Variants in DYSF observed in about 807,000 individuals in gnomAD.
DYSF encodes the protein dystrophy-associated fer-1-like 1.
A neutral mutation model predicts 274.9 loss-of-function variants in DYSF; 212 were observed. The ratio of observed to expected loss-of-function variants is 0.77; its 90% CI spans 0.69 to 0.86. DYSF has a LOEUF of 0.86. DYSF is among the 40% of genes least tolerant of loss of function. The pLI, the probability that DYSF is intolerant of heterozygous loss-of-function variation, is 0.00. For synonymous variants in DYSF, 1,091 were observed against 1,078.7 expected, an observed-to-expected ratio of 1.01 and a Z score of -0.22; for missense variants, 2,666 against 2,783.2, an observed-to-expected ratio of 0.96 and a Z score of 0.95.
chr2:71,590,067 T>G lies in DYSF; in HGVS notation c.3497-144T>G, dbSNP rs984162976. On this transcript the variant is annotated intron_variant, in intron 31 of 55. Transcript: ENST00000410020. ...CAAGCTGTGGTCTGTTCTCCTGACC[T>G]CGCACAGTGGCCTGTGTGGTTTCCC... The G allele has an allele frequency of 5.0e-6, 4 of 804,548 alleles. No individual in the cohort carries two copies. The South Asian group carries it at 5.7e-5, about 12-fold the overall frequency. The allele number at this position is 804,548 out of a possible 1,614,324, so 49.8% of individuals were successfully genotyped here. A position where few individuals can be genotyped will look rare whatever the true frequency, so the allele number is the denominator to read the frequency against.
chr2:71,626,889 T>G (rs1324928236), intron 41 of DYSF, among the ~76,000 whole-genome samples: 1 of 151,900 alleles, frequency 6.6e-6, no homozygotes, highest in Non-Finnish European at 1.5e-5. Flanking sequence ...TGTTTCTAAG[T>G]GAGTGACTTT....
intron 17 of DYSF, among the ~76,000 whole-genome samples, chr2:71,550,048 AG>A (rs2090817246): frequency 6.6e-6 from 1 of 152,130 alleles, no homozygotes; most frequent in Non-Finnish European, 1.5e-5. Context: ...GCATGACCTT[AG>A]GTCTAGCTCA....
At chr2:71,523,544 T>C (rs1289954406) in intron 12 of DYSF, among the ~76,000 whole-genome samples, 3 of 12,730 alleles carry the variant, frequency 2.4e-4, no homozygotes, top group Admixed American at 6.4e-4. Context: ...ACCAGTCATC[T>C]TTTTTTTTTT....
chr2:71,555,316 C>T (rs376524218), intron 21 of DYSF, among the ~76,000 whole-genome samples: 10 of 151,984 alleles, frequency 6.6e-5, no homozygotes, highest in East Asian at 3.9e-4. Flanking sequence ...GTCCTGAGCA[C>T]GTGTCCTTGC....
intron 40 of DYSF, among the ~76,000 whole-genome samples, chr2:71,618,323 AGAGATGGGGTGTGTGTGTGG>A (rs1417950317): frequency 4.7e-5 from 2 of 42,558 alleles, no homozygotes; most frequent in East Asian, 8.4e-4. Flanking sequence ...TGTGTGTGGT[AGAGATGGGGTGTGTGTGTGG>A]TAGAGGGGTG....
chr2:71,595,635 A>G (rs991717310), intron 32 of DYSF, among the ~76,000 whole-genome samples: 1 of 152,186 alleles, frequency 6.6e-6, no homozygotes, highest in Non-Finnish European at 1.5e-5. Context: ...CAGCTAAGGA[A>G]TCGTCTGCCT....
At chr2:71,685,726 C>T (rs971727752) in intron 55 of DYSF, among the ~76,000 whole-genome samples, 10 of 152,246 alleles carry the variant, frequency 6.6e-5, no homozygotes, top group Non-Finnish European at 1.0e-4. Context: ...AGGCAGGAGG[C>T]GTTTGGCGGG....
chr2:71,464,088 CG>C (rs1301480131), upstream of DYSF, among the ~76,000 whole-genome samples: 9 of 152,318 alleles, frequency 5.9e-5, no homozygotes, highest in East Asian at 1.7e-3. Flanking sequence ...TGTCCTTTAC[CG>C]ACCTTCCACT....
At chr2:71,680,232 A>T (rs529287542) in intron 53 of DYSF, among the ~76,000 whole-genome samples, 2 of 152,196 alleles carry the variant, frequency 1.3e-5, no homozygotes, top group Non-Finnish European at 2.9e-5. Flanking sequence ...AAACCCAAAG[A>T]TAAGGGAGGA....
chr2:71,516,270 C>T (rs752788962), intron 9 of DYSF, 28 bp downstream of exon 9: 19 of 1,609,810 alleles, frequency 1.2e-5, no homozygotes, highest in South Asian at 6.6e-5. Context: ...AAGTGTTCTC[C>T]GTGGGCTGTA....
chr2:71,457,692 T>A (rs1437484558), intron 1 of DYSF, among the ~76,000 whole-genome samples: 1 of 152,142 alleles, frequency 6.6e-6, no homozygotes, highest in Admixed American at 6.5e-5. Context: ...CCTCTCTATA[T>A]CTGATAGGAC....
intron 36 of DYSF, among the ~76,000 whole-genome samples, chr2:71,609,393 G>C (rs1430365175): frequency 6.6e-6 from 1 of 152,188 alleles, no homozygotes; most frequent in Non-Finnish European, 1.5e-5. Flanking sequence ...AGCCAGTGTT[G>C]CTCTGAAAGA....
intron 3 of DYSF, among the ~76,000 whole-genome samples, chr2:71,501,880 C>T (rs982835751): frequency 3.9e-5 from 6 of 152,084 alleles, no homozygotes; most frequent in Admixed American, 3.3e-4. Context: ...ATATCTAGGT[C>T]CCTGATTTCA....
Position 71,542,671 on chromosome 2 carries a change from A to C in DYSF, c.1576+3432A>C, listed in dbSNP as rs902539032. Among the ~76,000 whole-genome samples, 16 of 152,270 alleles carry C rather than the reference A, an allele frequency of 1.1e-4. 1 individual carries two copies. The South Asian group carries it at 3.3e-3, about 32-fold the overall frequency. On this transcript the variant is annotated intron_variant, in intron 17 of 55. Transcript: ENST00000410020. Reference sequence around the variant, plus strand: ...CCTGAGTGGACACAGCACATGTTTCAGAGAGCACCGGGTTGGGGGTAAGGT... The same window carrying C: ...CCTGAGTGGACACAGCACATGTTTCCGAGAGCACCGGGTTGGGGGTAAGGT...
intron 21 of DYSF, among the ~76,000 whole-genome samples, chr2:71,555,409 T>C (rs1461934299): frequency 1.3e-5 from 2 of 151,832 alleles, no homozygotes; most frequent in Admixed American, 6.6e-5. Flanking sequence ...TGAGGACCCA[T>C]GGAGAGGGCT....
chr2:71,599,186 C>T (rs767179530), intron 33 of DYSF, among the ~76,000 whole-genome samples: 50 of 152,182 alleles, frequency 3.3e-4, no homozygotes, highest in South Asian at 1.0e-3. Flanking sequence ...TGTGAGAGCA[C>T]GGGTCCCCGA....
chr2:71,460,278 G>A (rs1475635309), intron 1 of DYSF, among the ~76,000 whole-genome samples: 3 of 152,200 alleles, frequency 2.0e-5, no homozygotes, highest in African/African-American at 7.2e-5. Context: ...AGCCAGAGGG[G>A]AAAGGGGGCC....
At position 71,570,216 on chromosome 2, in the gene DYSF, G is replaced by C; in HGVS notation, c.2980-13G>C. The C allele has an allele frequency of 1.2e-6, 2 of 1,612,840 alleles. No individual in the cohort carries two copies. The highest frequency in any genetic ancestry group is 2.2e-5 in the South Asian group (2 of 91,052). On this transcript the variant is annotated splice_polypyrimidine_tract_variant and intron_variant, in intron 27 of 55. Coordinates refer to ENST00000410020, the MANE Select transcript of DYSF (RefSeq NM_001130987.2). ...TCTCCTCTCATTGCTTGCCTGTTCGGTTTTGTCCTTAGAACGGGGAGAAGG... is the reference window on the plus strand; with the variant it reads ...TCTCCTCTCATTGCTTGCCTGTTCGCTTTTGTCCTTAGAACGGGGAGAAGG...
In DYSF at chr2:71,567,934, CCTT is replaced by C. The variant is rs1425367642; in HGVS notation, c.2566-14_2566-12del. On this transcript the variant is annotated splice_polypyrimidine_tract_variant and intron_variant, in intron 24 of 55. Transcript: ENST00000410020. ...CCTGAAGGGGACTGTGGGTTTCTGT[CCTT>C]CTCTGGTACCCAGTATCCGATGGAG... is the stretch of plus-strand genomic sequence containing the variant. 1 of 1,613,860 alleles carries C rather than the reference CCTT, an allele frequency of 6.2e-7. No homozygotes were observed. Among genetic ancestry groups the C allele is most frequent in the Admixed American group, 1.7e-5 (1 of 60,020 alleles).
Sources: gnomAD v4.1 joint callset for allele counts (sites outside exome capture counted in the v4.1 genomes callset) on GRCh38, gnomAD v4.1.1 for gene constraint, MANE v1.5 for transcripts, NCBI Gene and HGNC (gene_info 2026-07-23, HGNC 2026-07-21) for gene names.